The following CHP1 variants were observed in gnomAD, a reference collection of about 807,000 sequenced individuals.
CHP1 encodes the protein calcineurin B homologous protein 1.
In CHP1, 11 loss-of-function variants were observed where a neutral mutation model predicts 27.4. The observed-to-expected ratio is 0.40, with a 90% CI of 0.25 to 0.67. The LOEUF is 0.67. Ranked by LOEUF, CHP1 falls within the 30% of genes least tolerant of loss-of-function variation. CHP1 has a pLI of 0.38. For missense variants in CHP1, 169 were observed against 251.3 expected (o/e 0.67, Z 2.22); for synonymous variants, 89 against 87.4 (o/e 1.02, Z -0.10).
chr15:41,231,563 C>A, intron 1 of CHP1, 114 bp downstream of exon 1: 2 of 986,634 alleles, frequency 2.0e-6, no homozygotes, highest in South Asian at 1.4e-5. Context: ...GGGTCCTGGG[C>A]AGCCTCCAGG....
At chr15:41,250,507 CAGTGAGCCAAG>C (rs1487848808) in intron 2 of CHP1, among the ~76,000 whole-genome samples, 1 of 152,012 alleles carries the variant, frequency 6.6e-6, no homozygotes, top group East Asian at 1.9e-4. Context: ...GCGGAGGTTG[CAGTGAGCCAAG>C]ATCATGCCAT....
intron 4 of CHP1, among the ~76,000 whole-genome samples, chr15:41,267,769 C>CA (rs751601940): frequency 0.04 from 4,641 of 116,060 alleles, 235 homozygotes; most frequent in African/African-American, 0.13. Context: ...ACAGTATCTA[C>CA]AAAAAAAAAA....
intron 1 of CHP1, among the ~76,000 whole-genome samples, chr15:41,238,881 A>C (rs1295539087): frequency 6.6e-6 from 1 of 152,080 alleles, no homozygotes; most frequent in Non-Finnish European, 1.5e-5. Flanking sequence ...GTTTATATGC[A>C]CGGCCTTCTC....
intron 4 of CHP1, among the ~76,000 whole-genome samples, chr15:41,268,656 T>A (rs1384220294): frequency 3.7e-5 from 4 of 109,208 alleles, no homozygotes; most frequent in African/African-American, 1.5e-4. Flanking sequence ...AAAAAAAAAA[T>A]TCAGGCCAGG....
chr15:41,261,765 G>A (rs916162050), intron 3 of CHP1, among the ~76,000 whole-genome samples: 3 of 152,058 alleles, frequency 2.0e-5, no homozygotes, highest in African/African-American at 7.2e-5. Flanking sequence ...GGCTGAGGCG[G>A]GCAGATCACC....
Position 41,274,795 on chromosome 15 carries a change from T to TG in CHP1, c.412-3972_412-3971insG, listed in dbSNP as rs1427460600. Among the ~76,000 whole-genome samples the TG allele has an allele frequency of 1.3e-4, 19 of 149,294 alleles. No individual in the cohort carries two copies. The South Asian group carries it at 3.2e-3, about 25-fold the overall frequency. ...TCTTTGCTAGCATTGTCTTTGTTTT[T>TG]TTTTTTTTTTTTTGAGATGGAGTCT... On this transcript the variant is annotated intron_variant, in intron 5 of 6. Coordinates refer to ENST00000334660, the MANE Select transcript of CHP1 (RefSeq NM_007236.5).
chr15:41,257,594 C>T (rs185959748), intron 3 of CHP1, among the ~76,000 whole-genome samples: 5 of 152,050 alleles, frequency 3.3e-5, no homozygotes, highest in African/African-American at 1.2e-4. Context: ...GAGTCTTGCT[C>T]GGTCGCTCAG....
Position 41,270,554 on chromosome 15 carries a change from C to A in CHP1, c.350-3C>A. ...TGACTAACTTTGTGTTTTTCCCTTA[C>A]AGTTGCTTTTCGACTATATGATTTG... On this transcript the variant is annotated splice_region_variant and splice_polypyrimidine_tract_variant and intron_variant, in intron 4 of 6. Coordinates refer to ENST00000334660, the MANE Select transcript of CHP1 (RefSeq NM_007236.5). The A allele has an allele frequency of 6.2e-7, 1 of 1,612,788 alleles. No individual in the cohort carries two copies. Among genetic ancestry groups the A allele is most frequent in the African/African-American group, 1.3e-5 (1 of 75,016 alleles).
chr15:41,278,332 C>CA (rs61453137), intron 5 of CHP1, among the ~76,000 whole-genome samples: 27,162 of 77,624 alleles, frequency 0.35, 3,399 homozygotes, highest in African/African-American at 0.37. Flanking sequence ...GACTCCGTCT[C>CA]AAAAAAAAAA....
At chr15:41,267,977 G>A (rs1440479329) in intron 4 of CHP1, among the ~76,000 whole-genome samples, 1 of 150,686 alleles carries the variant, frequency 6.6e-6, no homozygotes, top group Non-Finnish European at 1.5e-5. Context: ...AGGTTTGACT[G>A]AGATCATTCC....
At chr15:41,251,650 T>C (rs1383394483) in intron 2 of CHP1, among the ~76,000 whole-genome samples, 1 of 152,090 alleles carries the variant, frequency 6.6e-6, no homozygotes, top group African/African-American at 2.4e-5. Context: ...ATGTGAGGGA[T>C]CTAGACTGAG....
chr15:41,232,817 T>TG (rs1482470289), intron 1 of CHP1, among the ~76,000 whole-genome samples: 2 of 152,150 alleles, frequency 1.3e-5, no homozygotes, highest in East Asian at 3.8e-4. Flanking sequence ...AGGAGTGCTA[T>TG]GGGGAACTAC....
intron 1 of CHP1, among the ~76,000 whole-genome samples, chr15:41,238,849 C>T (rs901520431): frequency 6.6e-6 from 1 of 152,042 alleles, no homozygotes; most frequent in Non-Finnish European, 1.5e-5. Context: ...AAGCCTCCAT[C>T]TCAAAAAAAG....
chr15:41,250,464 G>A (rs2047359997), intron 2 of CHP1, among the ~76,000 whole-genome samples: 1 of 152,144 alleles, frequency 6.6e-6, no homozygotes. Flanking sequence ...CACTTTGGGA[G>A]GCCGAGGCAG....
At chr15:41,252,762 A>G (rs1328586178) in intron 2 of CHP1, among the ~76,000 whole-genome samples, 2 of 152,046 alleles carry the variant, frequency 1.3e-5, no homozygotes, top group Non-Finnish European at 2.9e-5. Flanking sequence ...TCTTGGCCAC[A>G]AAGAATGCCA....
chr15:41,235,539 C>T (rs1280844742), intron 1 of CHP1, among the ~76,000 whole-genome samples: 1 of 151,466 alleles, frequency 6.6e-6, no homozygotes, highest in Non-Finnish European at 1.5e-5. Flanking sequence ...CAAAAACAAA[C>T]AACAACCACA....
chr15:41,258,926 G>C (rs879526987), intron 3 of CHP1, among the ~76,000 whole-genome samples: 11 of 152,158 alleles, frequency 7.2e-5, no homozygotes, highest in Admixed American at 7.2e-4. Flanking sequence ...TAGTTGAGAG[G>C]GTTGGGCATT....
At chr15:41,269,818 C>A (rs2047479887) in intron 4 of CHP1, among the ~76,000 whole-genome samples, 1 of 152,114 alleles carries the variant, frequency 6.6e-6, no homozygotes, top group South Asian at 2.1e-4. Context: ...AGTTGTGGGA[C>A]AAGACATTCA....
intron 2 of CHP1, among the ~76,000 whole-genome samples, chr15:41,253,194 C>T (rs1388423613): frequency 6.6e-6 from 1 of 151,818 alleles, no homozygotes; most frequent in Admixed American, 6.6e-5. Flanking sequence ...GCCTCAGCCT[C>T]CCAAAGTGCT....
Sources: gnomAD v4.1 joint callset for allele counts (sites outside exome capture counted in the v4.1 genomes callset) on GRCh38, gnomAD v4.1.1 for gene constraint, MANE v1.5 for transcripts, NCBI Gene and HGNC (gene_info 2026-07-23, HGNC 2026-07-21) for gene names.